The following UBE2W variants were observed in gnomAD, a reference collection of about 807,000 sequenced individuals.
UBE2W encodes ubiquitin-conjugating enzyme E2 W.
In UBE2W, 18 loss-of-function variants were observed where a neutral mutation model predicts 27.2. The observed-to-expected ratio is 0.66, with a 90% CI of 0.46 to 0.98. The LOEUF is 0.98. Among genes scored for constraint, UBE2W ranks in the 50% least tolerant of loss-of-function variants. The pLI is 0.00. For missense variants in UBE2W, 90 were observed against 180.2 expected (o/e 0.50, Z 2.87); for synonymous variants, 53 against 57.2 (o/e 0.93, Z 0.33).
At chr8:73,810,114 C>T (rs1809094051) in intron 4 of UBE2W, among the ~76,000 whole-genome samples, 1 of 152,080 alleles carries the variant, frequency 6.6e-6, no homozygotes, top group South Asian at 2.1e-4. Context: ...GAGAAGGAAG[C>T]TATGATGCAC....
At position 73,789,307 on chromosome 8, in the gene UBE2W, TAAAAAAAA is replaced by T. The variant is rs10652083; in HGVS notation, c.*4787_*4794del. The T allele has an allele frequency of 0.24, 9,539 of 39,780 alleles. 762 individuals carry two copies. The highest frequency in any genetic ancestry group is 0.31 in the African/African-American group (3,895 of 12,518). 2.5% of individuals were successfully genotyped at this position (39,780 alleles called of 1,614,324 possible). ...GCAACATGGTGAGACCTCGTGTCTT[TAAAAAAAA>T]AAAAAAAAAAAAAAAAAAAAAAAAA... is the stretch of plus-strand genomic sequence containing the variant. On this transcript the variant is annotated 3_prime_UTR_variant, in exon 6 of 6. Coordinates refer to ENST00000602593, the MANE Select transcript of UBE2W (RefSeq NM_018299.6).
chr8:73,849,077 A>C (rs986481579), intron 1 of UBE2W, among the ~76,000 whole-genome samples: 18 of 152,172 alleles, frequency 1.2e-4, no homozygotes, highest in Non-Finnish European at 2.9e-5. Context: ...GGAAAATGTT[A>C]ATTGTTGAAT....
At position 73,788,098 on chromosome 8, in the gene UBE2W, C is replaced by A. The variant is rs1808037005; in HGVS notation, c.*6004G>T. The A allele has an allele frequency of 1.0e-6, 1 of 983,910 alleles. No individual in the cohort carries two copies. Among genetic ancestry groups the A allele is most frequent in the Non-Finnish European group, 1.2e-6 (1 of 828,732 alleles). The allele number at this position is 983,910 out of a possible 1,614,324, so 60.9% of individuals were successfully genotyped here. ...AACCAAAAAGAGGTCTGGTATCTAT[C>A]CCATTTAGTATTCAAGTCTACAGAA... is the stretch of plus-strand genomic sequence containing the variant. On this transcript the variant is annotated 3_prime_UTR_variant, in exon 6 of 6. Transcript: ENST00000602593.
intron 3 of UBE2W, among the ~76,000 whole-genome samples, chr8:73,824,168 C>T (rs945569843): frequency 6.6e-6 from 1 of 152,184 alleles, no homozygotes; most frequent in Non-Finnish European, 1.5e-5. Context: ...AACTCATTTA[C>T]TTATCTTACC....
At chr8:73,878,177 G>T (rs1027278485) in intron 1 of UBE2W, among the ~76,000 whole-genome samples, 7 of 152,352 alleles carry the variant, frequency 4.6e-5, no homozygotes, top group African/African-American at 1.7e-4. Flanking sequence ...ACAGTGGACT[G>T]CTGGAGGAAT....
intron 1 of UBE2W, among the ~76,000 whole-genome samples, chr8:73,874,693 A>T (rs1812145117): frequency 6.6e-6 from 1 of 152,382 alleles, no homozygotes; most frequent in Non-Finnish European, 1.5e-5. Flanking sequence ...GATTTTTAGA[A>T]TTACCAAAAT....
chr8:73,797,183 T>C (rs1808457161), intron 5 of UBE2W, among the ~76,000 whole-genome samples: 1 of 152,116 alleles, frequency 6.6e-6, no homozygotes, highest in Non-Finnish European at 1.5e-5. Context: ...GAGAAAGAAC[T>C]ATATTAGAAG....
Position 73,787,154 on chromosome 8 carries a change from T to A in UBE2W, c.*6948A>T. ...TGCAGGCAAACATTAAAAATAAATC[T>A]TACAGGCAACTAAAAAAATGGTTGA... is the stretch of plus-strand genomic sequence containing the variant. On this transcript the variant is annotated 3_prime_UTR_variant, in exon 6 of 6. Coordinates refer to ENST00000602593, the MANE Select transcript of UBE2W (RefSeq NM_018299.6). The A allele has an allele frequency of 2.0e-6, 2 of 985,416 alleles. No individual in the cohort carries two copies. Among genetic ancestry groups the A allele is most frequent in the Non-Finnish European group, 2.4e-6 (2 of 829,932 alleles). The allele number at this position is 985,416 out of a possible 1,614,324, so 61.0% of individuals were successfully genotyped here. A position where few individuals can be genotyped will look rare whatever the true frequency, so the allele number is the denominator to read the frequency against.
downstream of UBE2W, among the ~76,000 whole-genome samples, chr8:73,781,633 T>TA: frequency 6.6e-6 from 1 of 151,178 alleles, no homozygotes; most frequent in East Asian, 2.0e-4. Context: ...TTTTTTTTTT[T>TA]TTTTATTTTT....
At position 73,787,349 on chromosome 8, in the gene UBE2W, G is replaced by A. The variant is rs1807998257; in HGVS notation, c.*6753C>T. ...GAAATATAGGGAGGACATAAACAGA[G>A]TCACTTATCCAGGGTAGCTTAAACT... On this transcript the variant is annotated 3_prime_UTR_variant, in exon 6 of 6. Coordinates refer to ENST00000602593, the MANE Select transcript of UBE2W (RefSeq NM_018299.6). 3 of 985,248 alleles carry A rather than the reference G, an allele frequency of 3.0e-6. No individual in the cohort carries two copies. The South Asian group carries it at 1.4e-4, about 46-fold the overall frequency. The allele number at this position is 985,248 out of a possible 1,614,324, so 61.0% of individuals were successfully genotyped here.
Position 73,789,598 on chromosome 8 carries a change from C to A in UBE2W, c.*4504G>T, listed in dbSNP as rs1205132410. 3 of 152,314 alleles carry A rather than the reference C, an allele frequency of 2.0e-5. No homozygotes were observed. The highest frequency in any genetic ancestry group is 4.4e-5 in the Non-Finnish European group (3 of 68,248). The allele number at this position is 152,314 out of a possible 1,614,324, so 9.4% of individuals were successfully genotyped here. ...TGGTGGGTCATGCCTGTAATCGCAGCACTTTGGGAGGCTGAGGTGGGCAGA... is the reference window on the plus strand; with the variant it reads ...TGGTGGGTCATGCCTGTAATCGCAGAACTTTGGGAGGCTGAGGTGGGCAGA... On this transcript the variant is annotated 3_prime_UTR_variant, in exon 6 of 6. Coordinates refer to ENST00000602593, the MANE Select transcript of UBE2W (RefSeq NM_018299.6).
In UBE2W at chr8:73,787,931, T is replaced by C; in HGVS notation, c.*6171A>G. 1.0e-6 allele frequency: 1 copy of C among 985,304 alleles called. No homozygotes were observed. Among genetic ancestry groups the C allele is most frequent in the Non-Finnish European group, 1.2e-6 (1 of 829,866 alleles). 61.0% of individuals were successfully genotyped at this position (985,304 alleles called of 1,614,324 possible). A position where few individuals can be genotyped will look rare whatever the true frequency, so the allele number is the denominator to read the frequency against. ...AAACTAGCTACATATTACATAAAGG[T>C]GATGTGTTAAATAGATGGTTTAAGT... On this transcript the variant is annotated 3_prime_UTR_variant, in exon 6 of 6. Transcript: ENST00000602593.
At position 73,848,722 on chromosome 8, in the gene UBE2W, GA is replaced by G. The variant is rs569341147; in HGVS notation, c.16-18251del. ...AAAAACAAAAAAGAAATCAGGATGTGATTACCTTTAGGAGAGGGAGGAAGTA... is the reference window on the plus strand; with the variant it reads ...AAAAACAAAAAAGAAATCAGGATGTGTTACCTTTAGGAGAGGGAGGAAGTA... On this transcript the variant is annotated intron_variant, in intron 1 of 5. Coordinates refer to ENST00000602593, the MANE Select transcript of UBE2W (RefSeq NM_018299.6). Among the ~76,000 whole-genome samples the G allele has an allele frequency of 3.2e-3, 481 of 152,240 alleles. 1 individual carries two copies. The highest frequency in any genetic ancestry group is 7.7e-3 in the South Asian group (37 of 4,824).
At chr8:73,810,715 T>C (rs1809116039) in intron 3 of UBE2W, 86 bp from the exon 4 acceptor site, 6 of 1,164,828 alleles carry the variant, frequency 5.2e-6, no homozygotes, top group African/African-American at 1.6e-5. Flanking sequence ...AAATATTGAT[T>C]ATAAAAAAAC....
intron 1 of UBE2W, chr8:73,833,658 A>G (rs1810186277): frequency 6.6e-6 from 1 of 152,146 alleles, no homozygotes; most frequent in Non-Finnish European, 1.5e-5. Context: ...GGCAAAAACA[A>G]AACAAAACAA....
chr8:73,842,528 CAAAAA>C lies in UBE2W; in HGVS notation c.16-12061_16-12057del, dbSNP rs759063478. On this transcript the variant is annotated intron_variant, in intron 1 of 5. Transcript: ENST00000602593. ...TGGGCGACAGAGGGAGACTCCGTCTCAAAAAAAAAAAAAAAAAAAAAAAAAAAAAA... is the reference window on the plus strand; with the variant it reads ...TGGGCGACAGAGGGAGACTCCGTCTCAAAAAAAAAAAAAAAAAAAAAAAAA... Among the ~76,000 whole-genome samples the C allele has an allele frequency of 1.4e-3, 14 of 9,666 alleles. No homozygotes were observed. In the South Asian group the frequency reaches 0.047, roughly 32 times the overall value. The allele number at this position is 9,666 out of a possible 152,430, so 6.3% of individuals were successfully genotyped here.
At chr8:73,820,295 A>G (rs1809553961) in intron 3 of UBE2W, among the ~76,000 whole-genome samples, 1 of 152,298 alleles carries the variant, frequency 6.6e-6, no homozygotes, top group Admixed American at 6.5e-5. Context: ...TTGACCCATT[A>G]TAATTATGTT....
At chr8:73,813,000 G>A (rs1196630703) in intron 3 of UBE2W, among the ~76,000 whole-genome samples, 2 of 124,036 alleles carry the variant, frequency 1.6e-5, no homozygotes, top group African/African-American at 2.9e-5. Context: ...AGCGAAACTC[G>A]GCCTTAAAAA....
At chr8:73,807,748 A>G (rs1808977748) in intron 4 of UBE2W, among the ~76,000 whole-genome samples, 1 of 152,198 alleles carries the variant, frequency 6.6e-6, no homozygotes, top group Non-Finnish European at 1.5e-5. Flanking sequence ...TCATCAGAAA[A>G]GTCTTCAAAA....
Sources: gnomAD v4.1 joint callset for allele counts (sites outside exome capture counted in the v4.1 genomes callset) on GRCh38, gnomAD v4.1.1 for gene constraint, MANE v1.5 for transcripts, NCBI Gene and HGNC (gene_info 2026-07-23, HGNC 2026-07-21) for gene names.